TICRR: variants seen among roughly 807,000 people sequenced by gnomAD.
TICRR encodes the protein TOPBP1 interacting checkpoint and replication regulator, also known as treslin.
Under a neutral mutation model 178.1 loss-of-function variants are expected in TICRR, and 132 were observed. That is an observed-to-expected ratio of 0.74 (90% CI 0.64 to 0.86). TICRR has a LOEUF of 0.86. TICRR is among the 40% of genes least tolerant of loss of function. TICRR has a pLI of 0.00. For synonymous variants in TICRR, 991 were observed against 900.7 expected (o/e 1.10, Z -1.79); for missense variants, 2,587 against 2,334.3 (o/e 1.11, Z -2.23).
rs998877657 is a variant in TICRR, at chr15:89,627,823, C to T, written c.*737C>T. 6.5e-6 allele frequency: 1 copy of T among 152,676 alleles called. No individual in the cohort carries two copies. The highest frequency in any genetic ancestry group is 1.5e-5 in the Non-Finnish European group (1 of 68,366). 9.5% of individuals were successfully genotyped at this position (152,676 alleles called of 1,614,324 possible). On this transcript the variant is annotated 3_prime_UTR_variant, in exon 22 of 22. Transcript: ENST00000268138. ...TGCCCCACAGACCCGCTGGACCAGCCTGCTGCGGGTCCTGGCCAGGGGTCT... is the reference window on the plus strand; with the variant it reads ...TGCCCCACAGACCCGCTGGACCAGCTTGCTGCGGGTCCTGGCCAGGGGTCT...
At chr15:89,589,224 G>A (rs192161123) in intron 4 of TICRR, among the ~76,000 whole-genome samples, 2 of 152,254 alleles carry the variant, frequency 1.3e-5, no homozygotes, top group African/African-American at 2.4e-5. Context: ...CTAGGGCTTC[G>A]CCTGACGGGA....
chr15:89,606,183 T>C (rs1237892552), intron 13 of TICRR, among the ~76,000 whole-genome samples: 1 of 152,228 alleles, frequency 6.6e-6, no homozygotes, highest in Non-Finnish European at 1.5e-5. Flanking sequence ...TATATACATA[T>C]ATATAAATGA....
In TICRR at chr15:89,595,600, C is replaced by A; in HGVS notation, c.1889C>A (p.Ser630Tyr). The change falls in exon 7 of 22, where the codon TCT (serine) becomes TAT (tyrosine). Residue 630 changes from serine (S) to tyrosine (Y), a missense_variant. Physicochemically the swap from Ser to Tyr is moderately radical, Grantham distance 144. Coordinates refer to ENST00000268138, the MANE Select transcript of TICRR (RefSeq NM_152259.4). ...LEDRGRTLRS[S>Y]KPKDFKTEEE... The stretch of plus-strand genomic sequence containing the variant: ...GACAGAGGAAGAACACTAAGAAGTT[C>A]TAAACCTAAAGGTATTCCTCTTAGT... The A allele has an allele frequency of 6.2e-7, 1 of 1,613,248 alleles. No homozygotes were observed. The highest frequency in any genetic ancestry group is 8.5e-7 in the Non-Finnish European group (1 of 1,179,386).
At chr15:89,623,488 T>C in intron 19 of TICRR, 135 bp from the exon 20 acceptor site, 1 of 939,234 alleles carries the variant, frequency 1.1e-6, no homozygotes, top group Non-Finnish European at 1.6e-6. Flanking sequence ...AACGGGTCAC[T>C]ATTTGAGATT....
chr15:89,599,183 C>T (rs569480159), intron 7 of TICRR, 141 bp from the exon 8 acceptor site: 8 of 598,844 alleles, frequency 1.3e-5, no homozygotes, highest in Non-Finnish European at 2.2e-5. Flanking sequence ...CCCGCCCCCA[C>T]CACCATCAGT....
chr15:89,610,361 A>G (rs1029790887), intron 15 of TICRR, among the ~76,000 whole-genome samples: 7 of 152,040 alleles, frequency 4.6e-5, no homozygotes, highest in African/African-American at 1.7e-4. Flanking sequence ...AGTTCTGTCA[A>G]TTTCTGCTTC....
intron 13 of TICRR, among the ~76,000 whole-genome samples, chr15:89,604,970 G>A (rs971704297): frequency 4.6e-5 from 7 of 151,958 alleles, no homozygotes; most frequent in Non-Finnish European, 1.0e-4. Context: ...CTTAAGCGTA[G>A]ACATATAGTA....
chr15:89,592,049 TCTC>T lies in TICRR; in HGVS notation c.1417_1419del (p.Pro473del). The T allele has an allele frequency of 6.8e-6, 11 of 1,606,124 alleles. No individual in the cohort carries two copies. The highest frequency in any genetic ancestry group is 8.5e-6 in the Non-Finnish European group (10 of 1,174,046). On this transcript the variant is annotated inframe_deletion, in exon 5 of 22. Coordinates refer to ENST00000268138, the MANE Select transcript of TICRR (RefSeq NM_152259.4). ...CCGCTGCTCCTTTGCTCCAATAGCTTCTCCTGTTCCAGAGTGGGCCCAGCAGGA... is the reference window on the plus strand; with the variant it reads ...CCGCTGCTCCTTTGCTCCAATAGCTTCTGTTCCAGAGTGGGCCCAGCAGGA...
chr15:89,606,711 C>A lies in TICRR; in HGVS notation c.2665-57C>A. On this transcript the variant is annotated intron_variant, in intron 13 of 21. Transcript: ENST00000268138. ...AAAGAGTTCATGTGAAATCTTTATT[C>A]TTTTATTTCAATGAATGCCTATTTA... The A allele has an allele frequency of 6.5e-6, 9 of 1,391,216 alleles. No individual in the cohort carries two copies. In the South Asian group the frequency reaches 8.2e-5, roughly 13 times the overall value. 86.2% of individuals were successfully genotyped at this position (1,391,216 alleles called of 1,614,324 possible).
chr15:89,612,134 T>G (rs1311004663), intron 15 of TICRR, among the ~76,000 whole-genome samples: 1 of 152,202 alleles, frequency 6.6e-6, no homozygotes, highest in Non-Finnish European at 1.5e-5. Flanking sequence ...GGGATTCCTG[T>G]TCTTTGCTTA....
chr15:89,610,934 C>G (rs190565294), intron 15 of TICRR, among the ~76,000 whole-genome samples: 146 of 152,078 alleles, frequency 9.6e-4, no homozygotes, highest in Middle Eastern at 3.4e-3. Context: ...AAGCCAACCT[C>G]TTTTCAATAA....
intron 2 of TICRR, 97 bp downstream of exon 2, chr15:89,583,062 C>G: frequency 8.6e-6 from 11 of 1,281,882 alleles, no homozygotes; most frequent in Non-Finnish European, 1.2e-5. Context: ...TTCTCACAGC[C>G]CAGGCACTCA....
chr15:89,622,062 C>T (rs1423496784), intron 19 of TICRR, among the ~76,000 whole-genome samples: 2 of 143,638 alleles, frequency 1.4e-5, no homozygotes. Flanking sequence ...TCTCAGCTCA[C>T]TGCAACCTCT....
In TICRR at chr15:89,622,647, T is replaced by A. The variant is rs539072944; in HGVS notation, c.3313-976T>A. Among the ~76,000 whole-genome samples the A allele has an allele frequency of 9.9e-5, 15 of 152,226 alleles. No homozygotes were observed. In the East Asian group the frequency reaches 2.1e-3, roughly 22 times the overall value. The stretch of plus-strand genomic sequence containing the variant: ...ATCTACACAACCAAGATCAGTCTCC[T>A]CCCCCAGGCAGGCAGGGTCTTCCGT... On this transcript the variant is annotated intron_variant, in intron 19 of 21. Transcript: ENST00000268138.
At chr15:89,616,380 G>C (rs368085639) in intron 15 of TICRR, 25 bp from the exon 16 acceptor site, 1 of 1,603,470 alleles carries the variant, frequency 6.2e-7, no homozygotes, top group Non-Finnish European at 8.5e-7. Context: ...TGAAATTTAT[G>C]ATTTAAGCTG....
intron 18 of TICRR, among the ~76,000 whole-genome samples, chr15:89,620,331 C>T (rs1963404105): frequency 6.6e-6 from 1 of 152,148 alleles, no homozygotes; most frequent in African/African-American, 2.4e-5. Context: ...ACCTTAGCCT[C>T]CCAGGGAGGT....
chr15:89,604,713 A>C (rs754742405), intron 13 of TICRR, among the ~76,000 whole-genome samples: 1 of 150,214 alleles, frequency 6.7e-6, no homozygotes, highest in Non-Finnish European at 1.5e-5. Context: ...TGAGGCTGCA[A>C]TGAACTATGA....
Position 89,585,799 on chromosome 15 carries a change from G to T in TICRR, c.1268G>T (p.Arg423Leu). 1 of 1,614,070 alleles carries T rather than the reference G, an allele frequency of 6.2e-7. No individual in the cohort carries two copies. Among genetic ancestry groups the T allele is most frequent in the Non-Finnish European group, 8.5e-7 (1 of 1,180,004 alleles). Reference protein sequence around the residue: ...SASAMILTVCRTKEAEFQRHV... With the variant: ...SASAMILTVCLTKEAEFQRHV... ...AGTGCTATGATCCTCACTGTGTGCCGCACCAAGGAGGCTGAATTTCAACGA... is the reference window on the plus strand; with the variant it reads ...AGTGCTATGATCCTCACTGTGTGCCTCACCAAGGAGGCTGAATTTCAACGA... Residue 423 changes from arginine (R) to leucine (L), a missense_variant, in exon 4 of 22, where the codon CGC becomes CTC. By Grantham distance (102) the Arg-to-Leu change is moderately radical (BLOSUM62 -2). Coordinates refer to ENST00000268138, the MANE Select transcript of TICRR (RefSeq NM_152259.4).
Position 89,576,852 on chromosome 15 carries a change from TATATATATAC to T in TICRR, c.654+614_654+623del, listed in dbSNP as rs1264239220. ...ATATATATATATATATATATATATA[TATATATATAC>T]ACACACACACATATATATACACATT... On this transcript the variant is annotated intron_variant, in intron 1 of 21. Coordinates refer to ENST00000268138, the MANE Select transcript of TICRR (RefSeq NM_152259.4). Among the ~76,000 whole-genome samples the T allele has an allele frequency of 4.8e-3, 331 of 69,016 alleles. 3 individuals carry two copies. Among genetic ancestry groups the T allele is most frequent in the African/African-American group, 0.014 (311 of 22,546 alleles). 45.3% of individuals were successfully genotyped at this position (69,016 alleles called of 152,430 possible).
Sources: gnomAD v4.1 joint callset for allele counts (sites outside exome capture counted in the v4.1 genomes callset) on GRCh38, gnomAD v4.1.1 for gene constraint, MANE v1.5 for transcripts, NCBI Gene and HGNC (gene_info 2026-07-23, HGNC 2026-07-21) for gene names.